RIMS2: variants seen among roughly 807,000 people sequenced by gnomAD.
RIMS2 encodes the protein regulating synaptic membrane exocytosis 2.
In RIMS2, 59 loss-of-function variants were observed where a neutral mutation model predicts 174.4. That is an observed-to-expected ratio of 0.34 (90% CI 0.27 to 0.42). RIMS2 has a LOEUF of 0.42. RIMS2 is among the 10% of genes least tolerant of loss of function. The pLI, the probability that RIMS2 is intolerant of heterozygous loss-of-function variation, is 1.00. For synonymous variants in RIMS2, 606 were observed against 572.5 expected (o/e 1.06, Z -0.84); for missense variants, 1,620 against 1,666.3 (o/e 0.97, Z 0.48).
chr8:103,649,637 G>A (rs1020076426), intron 1 of RIMS2, among the ~76,000 whole-genome samples: 3 of 148,576 alleles, frequency 2.0e-5, no homozygotes, highest in African/African-American at 7.5e-5. Flanking sequence ...TTTTGTTCAT[G>A]CCTTTTCATT....
intron 1 of RIMS2, among the ~76,000 whole-genome samples, chr8:103,642,019 A>G (rs2096241899): frequency 6.6e-6 from 1 of 152,098 alleles, no homozygotes; most frequent in Non-Finnish European, 1.5e-5. Context: ...CTGCTTTTTA[A>G]TTGGCATATT....
intron 19 of RIMS2, among the ~76,000 whole-genome samples, chr8:104,153,194 C>T (rs186242819): frequency 1.8e-4 from 27 of 152,226 alleles, no homozygotes; most frequent in Non-Finnish European, 5.9e-5. Context: ...GGAAACTCAT[C>T]TTTTAAATCA....
At chr8:103,719,996 G>T (rs940969278) in intron 2 of RIMS2, among the ~76,000 whole-genome samples, 2 of 152,230 alleles carry the variant, frequency 1.3e-5, no homozygotes, top group East Asian at 3.9e-4. Flanking sequence ...GACAACACTA[G>T]ATAAAAAGTT....
chr8:104,010,262 A>G (rs985094551), intron 17 of RIMS2, among the ~76,000 whole-genome samples: 1 of 152,218 alleles, frequency 6.6e-6, no homozygotes, highest in African/African-American at 2.4e-5. Flanking sequence ...GTTGACCCAA[A>G]AAAATGATTC....
chr8:103,696,121 TG>T (rs2097097987), intron 1 of RIMS2, among the ~76,000 whole-genome samples: 1 of 152,216 alleles, frequency 6.6e-6, no homozygotes, highest in Non-Finnish European at 1.5e-5. Context: ...TTGGATGCAC[TG>T]TTGTTTTATA....
intron 3 of RIMS2, among the ~76,000 whole-genome samples, chr8:103,838,090 G>A (rs1015204280): frequency 6.6e-6 from 1 of 151,986 alleles, no homozygotes; most frequent in Non-Finnish European, 1.5e-5. Context: ...GGGACTATAG[G>A]TACAAGCCAT....
At chr8:103,622,883 TAGC>T (rs1417998381) in intron 1 of RIMS2, among the ~76,000 whole-genome samples, 1 of 152,144 alleles carries the variant, frequency 6.6e-6, no homozygotes, top group Admixed American at 6.5e-5. Flanking sequence ...AGAAAGGAAG[TAGC>T]AGCAATAAAT....
At chr8:103,590,805 G>A (rs1369656773) in intron 1 of RIMS2, among the ~76,000 whole-genome samples, 1 of 151,120 alleles carries the variant, frequency 6.6e-6, no homozygotes, top group Non-Finnish European at 1.5e-5. Context: ...CATTTATGTT[G>A]TTGAATGTAT....
chr8:103,931,388 C>T, exon 12 of RIMS2: 1 of 1,590,008 alleles, frequency 6.3e-7, no homozygotes, highest in Non-Finnish European at 8.6e-7. Context: ...TTCTTCCAGA[C>T]AGAAGGTAAG....
At chr8:103,547,592 G>A (rs72677654) in intron 1 of RIMS2, among the ~76,000 whole-genome samples, 2 of 151,814 alleles carry the variant, frequency 1.3e-5, no homozygotes, top group African/African-American at 2.4e-5. Flanking sequence ...ACATCATAGC[G>A]AGAGGAACTA....
chr8:103,959,995 G>A (rs199593158), intron 14 of RIMS2, among the ~76,000 whole-genome samples: 1 of 152,130 alleles, frequency 6.6e-6, no homozygotes, highest in South Asian at 2.1e-4. Flanking sequence ...GCAAGAAATA[G>A]CTAAGATCAG....
chr8:104,098,696 A>G (rs767459326), intron 19 of RIMS2, among the ~76,000 whole-genome samples: 2 of 152,080 alleles, frequency 1.3e-5, no homozygotes, highest in Non-Finnish European at 2.9e-5. Context: ...AGACTTAGCC[A>G]TTTCAATTAT....
intron 19 of RIMS2, among the ~76,000 whole-genome samples, chr8:104,117,328 A>G (rs1264018546): frequency 3.3e-5 from 5 of 152,156 alleles, no homozygotes; most frequent in African/African-American, 1.2e-4. Context: ...ACACAGGACT[A>G]TAGTTTTAAG....
chr8:104,199,211 G>A (rs1386337771), intron 19 of RIMS2, among the ~76,000 whole-genome samples: 4 of 152,086 alleles, frequency 2.6e-5, no homozygotes, highest in Middle Eastern at 3.4e-3. Context: ...ACAGGCGCCC[G>A]CCACCACGCC....
intron 3 of RIMS2, among the ~76,000 whole-genome samples, chr8:103,792,066 C>G (rs1342221337): frequency 6.6e-6 from 1 of 152,102 alleles, no homozygotes; most frequent in Non-Finnish European, 1.5e-5. Context: ...CTGCACCAAG[C>G]GGACTTAATA....
At chr8:103,617,097 C>T (rs1272077213) in intron 1 of RIMS2, among the ~76,000 whole-genome samples, 1 of 152,180 alleles carries the variant, frequency 6.6e-6, no homozygotes, top group African/African-American at 2.4e-5. Context: ...CTGGCAGCAT[C>T]ACGTTACCCA....
At position 103,587,424 on chromosome 8, in the gene RIMS2, GA is replaced by G. The variant is rs1431077456; in HGVS notation, c.176+86365del. On this transcript the variant is annotated intron_variant, in intron 1 of 23. Coordinates refer to ENST00000504942, the Ensembl canonical transcript of RIMS2. Reference sequence around the variant, plus strand: ...GAAGAAAAAAGAAGAAAGAAAGAAAGAAAGAAAGAAAGAAAGAAAGAAAGAA... The same window carrying G: ...GAAGAAAAAAGAAGAAAGAAAGAAAGAAGAAAGAAAGAAAGAAAGAAAGAA... Among the ~76,000 whole-genome samples, 230 of 110,930 alleles carry G rather than the reference GA, an allele frequency of 2.1e-3. 4 individuals are homozygous for G. The highest frequency in any genetic ancestry group is 4.5e-3 in the Middle Eastern group (1 of 224). 72.8% of individuals were successfully genotyped at this position (110,930 alleles called of 152,430 possible). A position where few individuals can be genotyped will look rare whatever the true frequency, so the allele number is the denominator to read the frequency against.
chr8:103,827,398 A>T (rs961652592), intron 3 of RIMS2, among the ~76,000 whole-genome samples: 3 of 152,204 alleles, frequency 2.0e-5, no homozygotes, highest in Non-Finnish European at 4.4e-5. Context: ...GTAAGCAATC[A>T]TGTCATTTGC....
At position 104,223,674 on chromosome 8, in the gene RIMS2, G is replaced by A. The variant is rs781511006; in HGVS notation, c.3335-21242G>A. On this transcript the variant is annotated intron_variant, in intron 19 of 23. Transcript: ENST00000504942. The stretch of plus-strand genomic sequence containing the variant: ...AAGATGGGCCGGCAGGGCTTGGGGG[G>A]TGCCAGCGCTGCGGGGCGCTCCATG... The A allele has an allele frequency of 8.2e-6, 13 of 1,590,886 alleles. No individual in the cohort carries two copies. In the South Asian group the frequency reaches 1.1e-4, roughly 14 times the overall value.
Sources: gnomAD v4.1 joint callset for allele counts (sites outside exome capture counted in the v4.1 genomes callset) on GRCh38, gnomAD v4.1.1 for gene constraint, MANE v1.5 for transcripts, NCBI Gene and HGNC (gene_info 2026-07-23, HGNC 2026-07-21) for gene names.